The following ZSCAN30 variants were observed in gnomAD, a reference collection of about 807,000 sequenced individuals.
ZSCAN30 encodes zinc finger and SCAN domain containing 30.
ZSCAN30 carries 37 observed loss-of-function variants against 44.3 expected under a neutral mutation model. The ratio of observed to expected loss-of-function variants is 0.84; its 90% CI spans 0.64 to 1.10. The LOEUF is 1.10. Ranked by LOEUF, ZSCAN30 falls within the 50% of genes least tolerant of loss-of-function variation. ZSCAN30 has a pLI of 0.00. For missense variants in ZSCAN30, 549 were observed against 582.6 expected, an observed-to-expected ratio of 0.94 and a Z score of 0.59; for synonymous variants, 181 against 204.6, an observed-to-expected ratio of 0.88 and a Z score of 0.98.
chr18:35,259,471 C>T (rs554281058), intron 3 of ZSCAN30, among the ~76,000 whole-genome samples: 2 of 152,352 alleles, frequency 1.3e-5, no homozygotes, highest in South Asian at 2.1e-4. Flanking sequence ...TAAGCCACTG[C>T]ACCCGGCCAC....
intron 1 of ZSCAN30, among the ~76,000 whole-genome samples, chr18:35,266,323 A>G (rs2143711293): frequency 6.6e-6 from 1 of 152,202 alleles, no homozygotes; most frequent in Admixed American, 6.5e-5. Flanking sequence ...CCACCCAGAG[A>G]GTGGCGTGGA....
chr18:35,252,971 T>A lies in ZSCAN30; in HGVS notation c.*479A>T, dbSNP rs1362517534. The A allele has an allele frequency of 1.3e-5, 2 of 154,560 alleles. No individual in the cohort carries two copies. Among genetic ancestry groups the A allele is most frequent in the African/African-American group, 2.4e-5 (1 of 41,500 alleles). 9.6% of individuals were successfully genotyped at this position (154,560 alleles called of 1,614,324 possible). On this transcript the variant is annotated 3_prime_UTR_variant, in exon 4 of 4. Transcript: ENST00000333206. ...CTCAGATATTATTAAACTAATAGCA[T>A]AATTCAATATTTTCACAACCTCCAA...
chr18:35,275,576 A>G (rs539518506), intron 1 of ZSCAN30, among the ~76,000 whole-genome samples: 17 of 152,242 alleles, frequency 1.1e-4, no homozygotes, highest in Non-Finnish European at 2.2e-4. Context: ...CTAAAGACCT[A>G]TTCTTCCACT....
In ZSCAN30 at chr18:35,257,865, C is replaced by G; in HGVS notation, c.554-3484G>C. ...GGATTAGACCAAGCCTAGACTGTAA[C>G]TGAGACCACATCATTGCTTGCTCTT... On this transcript the variant is annotated intron_variant, in intron 3 of 3. Coordinates refer to ENST00000333206, the MANE Select transcript of ZSCAN30 (RefSeq NM_001112734.4). 4 of 780,938 alleles carry G rather than the reference C, an allele frequency of 5.1e-6. No homozygotes were observed. The South Asian group carries it at 5.4e-5, about 10-fold the overall frequency. 48.4% of individuals were successfully genotyped at this position (780,938 alleles called of 1,614,324 possible).
chr18:35,269,607 C>G (rs2044230414), intron 1 of ZSCAN30: 8 of 152,156 alleles, frequency 5.3e-5, no homozygotes, highest in Admixed American at 5.2e-4. Context: ...CTCTCAACCT[C>G]TGGGAGTAGG....
intron 3 of ZSCAN30, chr18:35,258,252 A>G (rs964452615): frequency 6.7e-6 from 3 of 449,242 alleles, no homozygotes; most frequent in Non-Finnish European, 1.2e-5. Flanking sequence ...CCATGGGACC[A>G]CGCATAAATG....
chr18:35,254,356 C>T lies in ZSCAN30; in HGVS notation c.579G>A (p.Val193=), dbSNP rs2143651542. ...CAACAATTTCTTGCTTTGCCATCAACACTTTGCCAGCCACCATCCTGCCAT... is the reference window on the plus strand; with the variant it reads ...CAACAATTTCTTGCTTTGCCATCAATACTTTGCCAGCCACCATCCTGCCAT... ...ERDGRMVAGK[V]LMAKQEIVEC... Residue 193 remains valine (V), a synonymous_variant, in exon 4 of 4, where the codon GTG becomes GTA. Coordinates refer to ENST00000333206, the MANE Select transcript of ZSCAN30 (RefSeq NM_001112734.4). 6.2e-7 allele frequency: 1 copy of T among 1,613,960 alleles called. No individual in the cohort carries two copies. The highest frequency in any genetic ancestry group is 1.7e-5 in the Admixed American group (1 of 60,014).
At chr18:35,288,798 C>T (rs1039691924) in intron 1 of ZSCAN30, among the ~76,000 whole-genome samples, 2 of 152,174 alleles carry the variant, frequency 1.3e-5, no homozygotes, top group Admixed American at 6.5e-5. Context: ...GGGAGAGAGG[C>T]TTACCAACGG....
intron 1 of ZSCAN30, among the ~76,000 whole-genome samples, chr18:35,286,028 C>G (rs906505173): frequency 5.9e-5 from 9 of 152,050 alleles, no homozygotes; most frequent in African/African-American, 2.2e-4. Flanking sequence ...ACTGCAGATT[C>G]AACAGATACA....
chr18:35,264,265 CAT>C lies in ZSCAN30; in HGVS notation c.86_87del (p.Tyr29CysfsTer26). ...LLVVKVEEEN[Y>X]VLDQDFGLQE... is the part of the protein sequence containing the mutation. Reference sequence around the variant, plus strand: ...TGAAGGCCAAAGTCCTGGTCCAAAACATAATTTTCTTCTTCAACCTTGACAAC... The same window carrying C: ...TGAAGGCCAAAGTCCTGGTCCAAAACAATTTTCTTCTTCAACCTTGACAAC... On this transcript the variant is annotated frameshift_variant, in exon 2 of 4. Transcript: ENST00000333206. LOFTEE classifies it high-confidence loss of function. 1.2e-6 allele frequency: 2 copies of C among 1,614,190 alleles called. No individual in the cohort carries two copies. Among genetic ancestry groups the C allele is most frequent in the Non-Finnish European group, 1.7e-6 (2 of 1,180,044 alleles).
intron 3 of ZSCAN30, chr18:35,262,235 C>T (rs562317026): frequency 1.3e-5 from 2 of 152,254 alleles, no homozygotes; most frequent in East Asian, 3.9e-4. Context: ...TACAGCTAAG[C>T]TTCATAGGAA....
intron 3 of ZSCAN30, chr18:35,258,079 A>G: frequency 1.3e-6 from 1 of 751,552 alleles, no homozygotes; most frequent in South Asian, 1.4e-5. Flanking sequence ...GACTCTTACA[A>G]TCATATCACA....
chr18:35,272,022 C>G (rs1017077844), intron 1 of ZSCAN30, among the ~76,000 whole-genome samples: 142 of 152,330 alleles, frequency 9.3e-4, no homozygotes, highest in Middle Eastern at 3.4e-3. Flanking sequence ...CACAGCTCCC[C>G]GCAAGCAGAG....
Position 35,253,345 on chromosome 18 carries a change from G to T in ZSCAN30, c.*105C>A. 1.2e-6 allele frequency: 1 copy of T among 855,048 alleles called. No individual in the cohort carries two copies. Among genetic ancestry groups the T allele is most frequent in the Non-Finnish European group, 1.8e-6 (1 of 562,808 alleles). The allele number at this position is 855,048 out of a possible 1,614,324, so 53.0% of individuals were successfully genotyped here. A position where few individuals can be genotyped will look rare whatever the true frequency, so the allele number is the denominator to read the frequency against. The stretch of plus-strand genomic sequence containing the variant: ...TCTTCTTATAGTACCGAACTGGGAG[G>T]GAAGGACAGAAGTTCTGCTCTCAGG... On this transcript the variant is annotated 3_prime_UTR_variant, in exon 4 of 4. Transcript: ENST00000333206.
chr18:35,254,234 T>G lies in ZSCAN30; in HGVS notation c.701A>C (p.Asn234Thr). The G allele has an allele frequency of 6.2e-7, 1 of 1,614,108 alleles. No individual in the cohort carries two copies. The highest frequency in any genetic ancestry group is 1.1e-5 in the South Asian group (1 of 91,084). Residue 234 changes from asparagine to threonine, a missense_variant, in exon 4 of 4, where the codon AAC becomes ACC. Coordinates refer to ENST00000333206, the MANE Select transcript of ZSCAN30 (RefSeq NM_001112734.4). Reference protein sequence around the residue: ...IAEEALGGLDNSKKQKGNAAG... With the variant: ...IAEEALGGLDTSKKQKGNAAG... ...AGCATTTCCCTTTTGCTTCTTAGAGTTGTCCAGACCTCCCAAAGCTTCTTC... is the reference window on the plus strand; with the variant it reads ...AGCATTTCCCTTTTGCTTCTTAGAGGTGTCCAGACCTCCCAAAGCTTCTTC...
chr18:35,254,452 A>G, intron 3 of ZSCAN30, 71 bp from the exon 4 acceptor site: 2 of 1,609,764 alleles, frequency 1.2e-6, no homozygotes, highest in Non-Finnish European at 1.7e-6. Flanking sequence ...TAGCAGGAAC[A>G]CAAACTCAAT....
chr18:35,256,030 AAATT>A (rs796650812), intron 3 of ZSCAN30, among the ~76,000 whole-genome samples: 32 of 151,916 alleles, frequency 2.1e-4, no homozygotes, highest in African/African-American at 7.7e-4. Context: ...TGTAGGGACA[AAATT>A]AAGGGCAATG....
intron 1 of ZSCAN30, among the ~76,000 whole-genome samples, 184 bp from the exon 2 acceptor site, chr18:35,264,639 G>C (rs2044108186): frequency 6.6e-6 from 1 of 152,168 alleles, no homozygotes; most frequent in Admixed American, 6.5e-5. Context: ...AAAGAAAAAT[G>C]TTAGTATGGC....
Position 35,264,186 on chromosome 18 carries a change from T to C in ZSCAN30, c.167A>G (p.Tyr56Cys). ...CTCCCGAGGGCCAGTGGAGTCAGAG[T>C]AACTAAACTGCCTGAACTTCTGCCG... ...VFRQKFRQFS[Y>C]SDSTGPREAL... Residue 56 changes from tyrosine to cysteine, a missense_variant, in exon 2 of 4, where the codon TAC (tyrosine) becomes TGC (cysteine). Physicochemically the swap from Tyr to Cys is radical, Grantham distance 194. Transcript: ENST00000333206. The C allele has an allele frequency of 6.2e-7, 1 of 1,614,120 alleles. No homozygotes were observed. The highest frequency in any genetic ancestry group is 8.5e-7 in the Non-Finnish European group (1 of 1,180,020).
Sources: gnomAD v4.1 joint callset for allele counts (sites outside exome capture counted in the v4.1 genomes callset) on GRCh38, gnomAD v4.1.1 for gene constraint, MANE v1.5 for transcripts, NCBI Gene and HGNC (gene_info 2026-07-23, HGNC 2026-07-21) for gene names.